Variants in MYL1 observed in about 807,000 individuals in gnomAD.
MYL1 encodes myosin light chain 1/3, skeletal muscle isoform.
Under a neutral mutation model 21.8 loss-of-function variants are expected in MYL1, and 16 were observed. The observed-to-expected ratio is 0.74, with a 90% CI of 0.50 to 1.12. The LOEUF (loss-of-function observed/expected upper bound fraction) is 1.12, where lower values mean the gene tolerates loss of function less well. MYL1 is among the 50% of genes most tolerant of loss of function. MYL1 has a pLI of 0.00. For synonymous variants in MYL1, 99 were observed against 85.2 expected (o/e 1.16, Z -0.89); for missense variants, 246 against 241.0 (o/e 1.02, Z -0.14).
chr2:210,308,421 TA>T (rs1690371502), intron 1 of MYL1, among the ~76,000 whole-genome samples: 1 of 136,716 alleles, frequency 7.3e-6, no homozygotes, highest in Non-Finnish European at 1.6e-5. Flanking sequence ...TATATATATA[TA>T]TATATATATA....
intron 6 of MYL1, 31 bp downstream of exon 6, chr2:210,291,001 C>T (rs753796762): frequency 6.9e-7 from 1 of 1,459,638 alleles, no homozygotes; most frequent in Non-Finnish European, 9.4e-7. Flanking sequence ...TCAAGAAATC[C>T]TTAAATATTA....
Position 210,300,342 on chromosome 2 carries a change from G to T in MYL1, c.161-1779C>A, listed in dbSNP as rs114754205. Among the ~76,000 whole-genome samples, 1,463 of 152,226 alleles carry T rather than the reference G, an allele frequency of 9.6e-3. 27 individuals are homozygous for T. Among genetic ancestry groups the T allele is most frequent in the African/African-American group, 0.034 (1,392 of 41,552 alleles). On this transcript the variant is annotated intron_variant, in intron 2 of 6. Transcript: ENST00000352451. Reference sequence around the variant, plus strand: ...CCCAAAGTTTAGTTATTCTCTTGAAGAATTAATACCAGGGCTGGTTATACT... The same window carrying T: ...CCCAAAGTTTAGTTATTCTCTTGAATAATTAATACCAGGGCTGGTTATACT...
chr2:210,315,124 G>A lies in MYL1; in HGVS notation c.-82C>T. ...CAAAATGATTCTTGGAAGAGGAGTGGTGGTTGGGTTGATCCACAGCCCAGT... is the reference window on the plus strand; with the variant it reads ...CAAAATGATTCTTGGAAGAGGAGTGATGGTTGGGTTGATCCACAGCCCAGT... On this transcript the variant is annotated 5_prime_UTR_variant, in exon 1 of 7. Coordinates refer to ENST00000352451, the MANE Select transcript of MYL1 (RefSeq NM_079420.3). 6.5e-7 allele frequency: 1 copy of A among 1,545,666 alleles called. No individual in the cohort carries two copies.
intron 1 of MYL1, among the ~76,000 whole-genome samples, chr2:210,305,346 A>T (rs945141899): frequency 6.6e-6 from 1 of 152,202 alleles, no homozygotes; most frequent in African/African-American, 2.4e-5. Flanking sequence ...GGTTATTGGG[A>T]AATGAAATTT....
Position 210,306,380 on chromosome 2 carries a change from C to CAAA in MYL1, c.133-3868_133-3866dup, listed in dbSNP as rs370261153. ...TGGGCTACAGAGCAAGACTCCATCTCAAAAAAAAAAAAAAAAAGTTGAATT... is the reference window on the plus strand; with the variant it reads ...TGGGCTACAGAGCAAGACTCCATCTCAAAAAAAAAAAAAAAAAAAAGTTGAATT... On this transcript the variant is annotated intron_variant, in intron 1 of 6. Transcript: ENST00000352451. 3.2e-3 allele frequency among the ~76,000 whole-genome samples: 381 copies of CAAA among 117,554 alleles called. 1 individual carries two copies. Among genetic ancestry groups the CAAA allele is most frequent in the African/African-American group, 0.011 (339 of 30,950 alleles). 77.1% of individuals were successfully genotyped at this position (117,554 alleles called of 152,430 possible).
chr2:210,307,254 C>T (rs893744898), intron 1 of MYL1, among the ~76,000 whole-genome samples: 5 of 152,164 alleles, frequency 3.3e-5, no homozygotes, highest in Admixed American at 2.0e-4. Flanking sequence ...CCTACCCCAA[C>T]CTGTCTCCGA....
chr2:210,300,554 C>T (rs934866678), intron 2 of MYL1, among the ~76,000 whole-genome samples: 1 of 152,056 alleles, frequency 6.6e-6, no homozygotes, highest in Admixed American at 6.6e-5. Flanking sequence ...AGAAAAAGTT[C>T]GCTAACTTCT....
intron 1 of MYL1, among the ~76,000 whole-genome samples, chr2:210,305,597 T>C (rs1292092568): frequency 6.6e-6 from 1 of 152,124 alleles, no homozygotes. Flanking sequence ...ATATCATTAG[T>C]TGAGCTAATA....
intron 2 of MYL1, 139 bp downstream of exon 2, chr2:210,302,349 A>T: frequency 1.5e-6 from 1 of 681,112 alleles, no homozygotes; most frequent in South Asian, 2.9e-5. Flanking sequence ...ATTTAGAGTG[A>T]TCGAGAGCAA....
At chr2:210,301,054 T>TA (rs1326383519) in intron 2 of MYL1, among the ~76,000 whole-genome samples, 1 of 152,164 alleles carries the variant, frequency 6.6e-6, no homozygotes, top group African/African-American at 2.4e-5. Flanking sequence ...TGCTCAACGT[T>TA]AAATCATTGA....
intron 1 of MYL1, among the ~76,000 whole-genome samples, chr2:210,311,383 T>A (rs1205270882): frequency 6.6e-6 from 1 of 152,092 alleles, no homozygotes; most frequent in East Asian, 1.9e-4. Context: ...CATATTAAAT[T>A]GAAAGTTTAA....
chr2:210,296,490 A>T (rs1690176184), intron 3 of MYL1, among the ~76,000 whole-genome samples: 1 of 152,140 alleles, frequency 6.6e-6, no homozygotes, highest in South Asian at 2.1e-4. Flanking sequence ...AGTGGCATTT[A>T]AAAATAAGGT....
intron 1 of MYL1, among the ~76,000 whole-genome samples, chr2:210,306,335 C>T (rs940816631): frequency 1.3e-4 from 20 of 149,208 alleles, no homozygotes; most frequent in Admixed American, 6.7e-5. Context: ...GAGCTGAGAT[C>T]GCGCCATTGT....
chr2:210,294,365 T>C lies in MYL1; in HGVS notation c.358A>G (p.Ile120Val). 6.2e-7 allele frequency: 1 copy of C among 1,614,054 alleles called. No individual in the cohort carries two copies. Among genetic ancestry groups the C allele is most frequent in the Non-Finnish European group, 8.5e-7 (1 of 1,179,942 alleles). The change falls in exon 4 of 7, where the codon ATT (isoleucine) becomes GTT (valine). Residue 120 changes from isoleucine (I) to valine (V), a missense_variant. Transcript: ENST00000352451. ...FEQFLPMMQAISNNKDQATYE... is the reference protein window; with the variant it reads ...FEQFLPMMQAVSNNKDQATYE... ...GTGGCCTGGTCCTTGTTGTTGGAAA[T>C]GGCTTGCATCATAGGCAGAAATTGT...
chr2:210,311,455 T>G (rs1443153748), intron 1 of MYL1, among the ~76,000 whole-genome samples: 1 of 152,198 alleles, frequency 6.6e-6, no homozygotes, highest in East Asian at 1.9e-4. Flanking sequence ...TTTCTGTCAA[T>G]GCATTCTGTA....
At position 210,314,929 on chromosome 2, in the gene MYL1, A is replaced by C. The variant is rs1473245467; in HGVS notation, c.114T>G (p.Ile38Met). The change falls in exon 1 of 7, where the codon ATT becomes ATG. Residue 38 changes from isoleucine (I) to methionine (M), a missense_variant. Physicochemically the swap from Ile to Met is conservative, Grantham distance 10. Coordinates refer to ENST00000352451, the MANE Select transcript of MYL1 (RefSeq NM_079420.3). ...PAPAKPKEEKIDLSAIKIEFS... is the reference protein window; with the variant it reads ...PAPAKPKEEKMDLSAIKIEFS... ...TAGTTACCTTAATGGCAGAGAGGTCAATTTTTTCTTCTTTGGGTTTGGCTG... is the reference window on the plus strand; with the variant it reads ...TAGTTACCTTAATGGCAGAGAGGTCCATTTTTTCTTCTTTGGGTTTGGCTG... The C allele has an allele frequency of 1.1e-5, 18 of 1,613,800 alleles. No homozygotes were observed. The highest frequency in any genetic ancestry group is 1.5e-5 in the Non-Finnish European group (18 of 1,179,882).
chr2:210,292,069 A>ATAT (rs145820520), intron 5 of MYL1, among the ~76,000 whole-genome samples: 7 of 151,986 alleles, frequency 4.6e-5, no homozygotes, highest in South Asian at 4.2e-4. Context: ...GTGTAGTTTT[A>ATAT]TATTATTATT....
At chr2:210,293,847 T>C (rs1444225887) in intron 4 of MYL1, 47 bp from the exon 5 acceptor site, 2 of 1,563,224 alleles carry the variant, frequency 1.3e-6, no homozygotes, top group Non-Finnish European at 1.8e-6. Context: ...ATGTGTTATT[T>C]TCAAAATCCA....
chr2:210,307,913 A>G (rs772408396), intron 1 of MYL1, among the ~76,000 whole-genome samples: 9 of 152,188 alleles, frequency 5.9e-5, no homozygotes, highest in Non-Finnish European at 1.2e-4. Flanking sequence ...AAATATTAAA[A>G]CGCTGTTAAT....
Sources: gnomAD v4.1 joint callset for allele counts (sites outside exome capture counted in the v4.1 genomes callset) on GRCh38, gnomAD v4.1.1 for gene constraint, MANE v1.5 for transcripts, NCBI Gene and HGNC (gene_info 2026-07-23, HGNC 2026-07-21) for gene names.